The following CCSER1 variants were observed in gnomAD, a reference collection of about 807,000 sequenced individuals.
The protein encoded by CCSER1 is serine-rich coiled-coil domain-containing protein 1.
A neutral mutation model predicts 82.0 loss-of-function variants in CCSER1; 41 were observed. The ratio of observed to expected loss-of-function variants is 0.50; its 90% CI spans 0.39 to 0.65. The LOEUF is 0.65. Ranked by LOEUF, CCSER1 falls within the 30% of genes least tolerant of loss-of-function variation. The pLI, the probability that CCSER1 is intolerant of heterozygous loss-of-function variation, is 0.00. For missense variants in CCSER1, 1,119 were observed against 1,064.2 expected (o/e 1.05, Z -0.72); for synonymous variants, 414 against 383.9 (o/e 1.08, Z -0.92).
intron 5 of CCSER1, among the ~76,000 whole-genome samples, chr4:90,590,724 C>T (rs557108151): frequency 2.6e-4 from 40 of 152,088 alleles, no homozygotes; most frequent in South Asian, 8.3e-4. Flanking sequence ...TTTGAAGTCG[C>T]GTAGCATGAT....
chr4:91,187,763 G>A (rs538155323), intron 10 of CCSER1, among the ~76,000 whole-genome samples: 143 of 152,280 alleles, frequency 9.4e-4, no homozygotes, highest in Admixed American at 1.2e-3. Flanking sequence ...ACATTGGCCA[G>A]GCTGGTCTCA....
At chr4:90,772,374 ATGAG>A (rs2149571456) in intron 7 of CCSER1, among the ~76,000 whole-genome samples, 1 of 152,246 alleles carries the variant, frequency 6.6e-6, no homozygotes, top group South Asian at 2.1e-4. Flanking sequence ...TTGAGAGGTG[ATGAG>A]TGAGAGACAT....
At position 91,491,946 on chromosome 4, in the gene CCSER1, TA is replaced by T. The variant is rs1375824475; in HGVS notation, c.2218-106625del. 3.3e-5 allele frequency among the ~76,000 whole-genome samples: 4 copies of T among 120,786 alleles called. No homozygotes were observed. In the Admixed American group the frequency reaches 4.1e-4, roughly 12 times the overall value. The allele number at this position is 120,786 out of a possible 152,430, so 79.2% of individuals were successfully genotyped here. A position where few individuals can be genotyped will look rare whatever the true frequency, so the allele number is the denominator to read the frequency against. On this transcript the variant is annotated intron_variant, in intron 10 of 10. Coordinates refer to ENST00000509176, the MANE Select transcript of CCSER1 (RefSeq NM_001145065.2). ...GAGGAGTAGAATAAGTCATTGCTAATAGTTTTTTTTTTTTTTTTTTGCAATG... is the reference window on the plus strand; with the variant it reads ...GAGGAGTAGAATAAGTCATTGCTAATGTTTTTTTTTTTTTTTTTTGCAATG...
chr4:91,468,607 C>G (rs896631614), intron 10 of CCSER1, among the ~76,000 whole-genome samples: 1 of 151,192 alleles, frequency 6.6e-6, no homozygotes, highest in African/African-American at 2.4e-5. Flanking sequence ...TATTAGTAAT[C>G]CAACAAATAA....
At chr4:90,633,018 A>G (rs72871985) in intron 6 of CCSER1, among the ~76,000 whole-genome samples, 11,627 of 152,086 alleles carry the variant, frequency 0.076, 550 homozygotes, top group East Asian at 0.17. Flanking sequence ...ATAACAGTCT[A>G]TATTTCCTCT....
At chr4:90,921,894 TTACCTATTAC>T (rs1728437553) in intron 8 of CCSER1, among the ~76,000 whole-genome samples, 1 of 152,094 alleles carries the variant, frequency 6.6e-6, no homozygotes, top group Non-Finnish European at 1.5e-5. Flanking sequence ...TATTGCTCCT[TTACCTATTAC>T]TACCTCTCCC....
At chr4:91,220,978 A>G (rs1490062906) in intron 10 of CCSER1, among the ~76,000 whole-genome samples, 1 of 152,124 alleles carries the variant, frequency 6.6e-6, no homozygotes, top group Non-Finnish European at 1.5e-5. Flanking sequence ...AAATTAACTG[A>G]CGTATTCAAT....
At chr4:91,116,240 G>A (rs573031439) in intron 10 of CCSER1, among the ~76,000 whole-genome samples, 57 of 152,208 alleles carry the variant, frequency 3.7e-4, no homozygotes, top group Middle Eastern at 3.4e-3. Context: ...ATACTATGCA[G>A]CCATAAAAAA....
At chr4:91,481,095 C>T (rs1195234426) in intron 10 of CCSER1, among the ~76,000 whole-genome samples, 1 of 136,426 alleles carries the variant, frequency 7.3e-6, no homozygotes, top group Non-Finnish European at 1.6e-5. Context: ...CCTTCCCTTC[C>T]CTTCCCCTCC....
rs78590719 is a variant in CCSER1 at position 90,662,308 on chromosome 4, C to T, written c.1932+34076C>T. Among the ~76,000 whole-genome samples the T allele has an allele frequency of 6.4e-4, 97 of 152,140 alleles. 1 individual carries two copies. In the East Asian group the frequency reaches 0.015, roughly 24 times the overall value. ...CACCATGCCTGGCCGTCCTATACTACTCTTTTATGGGAAAAAGTAGCTCAA... is the reference window on the plus strand; with the variant it reads ...CACCATGCCTGGCCGTCCTATACTATTCTTTTATGGGAAAAAGTAGCTCAA... On this transcript the variant is annotated intron_variant, in intron 6 of 10. Coordinates refer to ENST00000509176, the MANE Select transcript of CCSER1 (RefSeq NM_001145065.2).
chr4:90,304,252 G>T (rs866176794), intron 1 of CCSER1, among the ~76,000 whole-genome samples: 8 of 152,250 alleles, frequency 5.3e-5, no homozygotes, highest in Middle Eastern at 3.4e-3. Context: ...ATTCCTCAGG[G>T]ATCTAGAACT....
chr4:90,698,360 G>A (rs142808655), intron 6 of CCSER1, among the ~76,000 whole-genome samples: 18 of 152,246 alleles, frequency 1.2e-4, no homozygotes, highest in African/African-American at 4.1e-4. Flanking sequence ...ACATCTAGGT[G>A]TGAAAAGAAC....
intron 5 of CCSER1, among the ~76,000 whole-genome samples, chr4:90,611,982 CTT>C (rs1330844006): frequency 6.6e-6 from 1 of 151,526 alleles, no homozygotes; most frequent in Non-Finnish European, 1.5e-5. Flanking sequence ...TTTTTACACT[CTT>C]TCTTAATATA....
chr4:90,710,249 A>G (rs917768261), intron 6 of CCSER1, among the ~76,000 whole-genome samples: 2 of 151,544 alleles, frequency 1.3e-5, no homozygotes, highest in African/African-American at 2.4e-5. Context: ...CTAGGTTGTC[A>G]CTTCATTCTA....
intron 9 of CCSER1, among the ~76,000 whole-genome samples, chr4:90,981,957 C>T (rs1175807545): frequency 6.6e-6 from 1 of 151,778 alleles, no homozygotes; most frequent in Non-Finnish European, 1.5e-5. Flanking sequence ...TTCCTGCACC[C>T]TTGCATAATC....
At chr4:90,258,543 A>G (rs1723755686) in intron 1 of CCSER1, among the ~76,000 whole-genome samples, 1 of 152,160 alleles carries the variant, frequency 6.6e-6, no homozygotes, top group Admixed American at 6.5e-5. Flanking sequence ...AAAGTGAAAT[A>G]TGTGTAAGAA....
intron 9 of CCSER1, among the ~76,000 whole-genome samples, chr4:91,031,430 T>A (rs1051815943): frequency 3.3e-5 from 5 of 152,142 alleles, no homozygotes; most frequent in Non-Finnish European, 5.9e-5. Context: ...GAATGGATTT[T>A]ATTTTCAAGG....
chr4:90,837,788 G>A lies in CCSER1; in HGVS notation c.2094+21943G>A, dbSNP rs576412189. ...TGTTAGATATTTGGATTGCAGGTCT[G>A]GAACTTAGCAGAGAATTACAGTTAT... On this transcript the variant is annotated intron_variant, in intron 8 of 10. Coordinates refer to ENST00000509176, the MANE Select transcript of CCSER1 (RefSeq NM_001145065.2). Among the ~76,000 whole-genome samples the A allele has an allele frequency of 9.9e-5, 15 of 152,172 alleles. 1 individual carries two copies. The South Asian group carries it at 2.5e-3, about 25-fold the overall frequency.
At chr4:90,517,745 GAGA>G (rs901596806) in intron 5 of CCSER1, among the ~76,000 whole-genome samples, 10 of 152,234 alleles carry the variant, frequency 6.6e-5, no homozygotes, top group Admixed American at 5.2e-4. Context: ...AGGCTAGTTA[GAGA>G]AGAAGTCAGC....
Sources: allele counts gnomAD v4.1 joint callset (sites outside exome capture counted in the v4.1 genomes callset), GRCh38; gene constraint gnomAD v4.1.1; transcripts MANE v1.5; gene names NCBI Gene and HGNC (gene_info 2026-07-23, HGNC 2026-07-21).